ZNF608: variants seen among roughly 807,000 people sequenced by gnomAD.
ZNF608 encodes the protein zinc finger protein 608, also known as renal carcinoma antigen NY-REN-36.
ZNF608 carries 12 observed loss-of-function variants against 109.0 expected under a neutral mutation model. That is an observed-to-expected ratio of 0.11 (90% confidence interval 0.07 to 0.18). ZNF608 has a LOEUF of 0.18. Ranked by LOEUF, ZNF608 falls within the 10% of genes least tolerant of loss-of-function variation. ZNF608 has a pLI of 1.00. For missense variants in ZNF608, 1,707 were observed against 1,879.3 expected (o/e 0.91, Z 1.70); for synonymous variants, 732 against 717.4 (o/e 1.02, Z -0.33).
chr5:124,671,841 T>G (rs1344559499), intron 3 of ZNF608, among the ~76,000 whole-genome samples: 3 of 151,962 alleles, frequency 2.0e-5, no homozygotes, highest in Non-Finnish European at 4.4e-5. Flanking sequence ...TCTCCCTATG[T>G]TGCCCAGGCT....
rs1415262143 is a variant in ZNF608 at position 124,668,279 on chromosome 5, T to C, written c.1163-18582A>G. ...CGCAGGATGTAGTGGCTTGCACCTA[T>C]AGTTCCAGCTACTTACAAGGCTGAG... On this transcript the variant is annotated intron_variant, in intron 3 of 9. Transcript: ENST00000513986. 2.7e-5 allele frequency among the ~76,000 whole-genome samples: 4 copies of C among 148,734 alleles called. No individual in the cohort carries two copies. The East Asian group carries it at 7.8e-4, about 29-fold the overall frequency.
At chr5:124,704,105 T>C (rs1753163593) in intron 2 of ZNF608, among the ~76,000 whole-genome samples, 1 of 152,186 alleles carries the variant, frequency 6.6e-6, no homozygotes, top group Admixed American at 6.5e-5. Flanking sequence ...TGAGTCCAGT[T>C]CAACATGTTT....
intron 3 of ZNF608, among the ~76,000 whole-genome samples, chr5:124,652,794 T>C (rs1750849246): frequency 6.6e-6 from 1 of 152,230 alleles, no homozygotes. Flanking sequence ...AGACTACACT[T>C]ACTGAAGGCA....
chr5:124,645,721 G>A (rs1402656804), intron 5 of ZNF608, among the ~76,000 whole-genome samples: 1 of 152,104 alleles, frequency 6.6e-6, no homozygotes, highest in African/African-American at 2.4e-5. Flanking sequence ...CAAGCTGACT[G>A]ACCCATGGGG....
In ZNF608 at chr5:124,648,797, G is replaced by A. The variant is rs148340385; in HGVS notation, c.1587C>T (p.Ser529=). 6.8e-6 allele frequency: 11 copies of A among 1,614,202 alleles called. No homozygotes were observed. The Middle Eastern group carries it at 6.6e-4, about 97-fold the overall frequency. ...PGKRVRTNSR[S]TPTTPQGKPE... ...GTTTCCCTTGAGGGGTAGTGGGAGT[G>A]CTTCTGGAATTTGTGCGGACACGCT... is the stretch of plus-strand genomic sequence containing the variant. The change falls in exon 5 of 10, where the codon AGC becomes AGT. Residue 529 remains serine, a synonymous_variant. Transcript: ENST00000513986.
rs547690010 is a variant in ZNF608 at position 124,684,705 on chromosome 5, T to C, written c.1162+16309A>G. Among the ~76,000 whole-genome samples, 5 of 152,264 alleles carry C rather than the reference T, an allele frequency of 3.3e-5. No homozygotes were observed. The South Asian group carries it at 6.2e-4, about 19-fold the overall frequency. On this transcript the variant is annotated intron_variant, in intron 3 of 9. Transcript: ENST00000513986. ...TTCCCAACAGAAGCTCACCACTTAG[T>C]TTTCCTTTTCCTTTTAACTGGTCTC...
chr5:124,702,097 CA>C (rs1041054073), intron 2 of ZNF608, among the ~76,000 whole-genome samples: 1 of 152,114 alleles, frequency 6.6e-6, no homozygotes, highest in Non-Finnish European at 1.5e-5. Flanking sequence ...AGGAGAGCAG[CA>C]AAAGAGTTCT....
At chr5:124,666,955 G>A (rs1751504614) in intron 3 of ZNF608, among the ~76,000 whole-genome samples, 1 of 151,928 alleles carries the variant, frequency 6.6e-6, no homozygotes, top group African/African-American at 2.4e-5. Flanking sequence ...AAAACACATG[G>A]TCACAGTAAC....
At chr5:124,684,050 A>G (rs1752306559) in intron 3 of ZNF608, among the ~76,000 whole-genome samples, 1 of 152,262 alleles carries the variant, frequency 6.6e-6, no homozygotes, top group Non-Finnish European at 1.5e-5. Context: ...AAATGATGTG[A>G]GTAAACAGAG....
chr5:124,697,755 CAA>C (rs1333937939), intron 3 of ZNF608, among the ~76,000 whole-genome samples: 1 of 152,110 alleles, frequency 6.6e-6, no homozygotes, highest in Non-Finnish European at 1.5e-5. Context: ...ACACAAGAAA[CAA>C]TTAAGTATTG....
Position 124,744,353 on chromosome 5 carries a change from C to T in ZNF608, c.637G>A (p.Asp213Asn), listed in dbSNP as rs139867930. ...TGGCCCTGAAGCAGGTCGTGCTTGT[C>T]CTTCCTGGATTTCCCCGCATCCTTA... ...RDKDAGKSRK[D>N]KHDLLQGHQN... Residue 213 changes from aspartate to asparagine, a missense_variant, in exon 2 of 10, where the codon GAC becomes AAC. Transcript: ENST00000513986. The surrounding 1 kb of genome is among the most constrained non-coding windows in gnomAD (Gnocchi z 4.5). 162 of 1,614,262 alleles carry T rather than the reference C, an allele frequency of 1.0e-4. 1 individual carries two copies. The African/African-American group carries it at 2.0e-3, about 20-fold the overall frequency.
At chr5:124,715,599 T>TA (rs1209944679) in intron 2 of ZNF608, among the ~76,000 whole-genome samples, 1 of 152,172 alleles carries the variant, frequency 6.6e-6, no homozygotes, top group Non-Finnish European at 1.5e-5. Flanking sequence ...CTTCTAAAAT[T>TA]AAAAAATGCA....
At chr5:124,694,202 G>A (rs1305631436) in intron 3 of ZNF608, among the ~76,000 whole-genome samples, 1 of 126,358 alleles carries the variant, frequency 7.9e-6, no homozygotes, top group East Asian at 2.4e-4. Context: ...CACCGTGTTA[G>A]CCAGATGGTC....
At chr5:124,693,562 CCTATTGGTTCAT>C (rs547806305) in intron 3 of ZNF608, among the ~76,000 whole-genome samples, 59 of 152,224 alleles carry the variant, frequency 3.9e-4, no homozygotes, top group African/African-American at 1.3e-3. Context: ...GAGTTTTAAA[CCTATTGGTTCAT>C]TACTTAGCAC....
chr5:124,649,218 A>C (rs1415945749), intron 4 of ZNF608, 85 bp from the exon 5 acceptor site: 2 of 1,137,372 alleles, frequency 1.8e-6, no homozygotes, highest in Non-Finnish European at 2.4e-6. Context: ...AGTAAAGAGG[A>C]GTCAACACTC....
At position 124,637,705 on chromosome 5, in the gene ZNF608, G is replaced by GTA. The variant is rs879111897; in HGVS notation, c.*193_*194dup. On this transcript the variant is annotated 3_prime_UTR_variant, in exon 10 of 10. Transcript: ENST00000513986. The stretch of plus-strand genomic sequence containing the variant: ...TATGTATATATACAGATATGTATAC[G>GTA]TATATATATATAAAACAGAAGTTTA... 6.1e-5 allele frequency: 22 copies of GTA among 360,422 alleles called. No individual in the cohort carries two copies. Among genetic ancestry groups the GTA allele is most frequent in the Middle Eastern group, 1.0e-3 (2 of 1,984 alleles). The allele number at this position is 360,422 out of a possible 1,614,324, so 22.3% of individuals were successfully genotyped here.
rs183199684 is a variant in ZNF608, at chr5:124,739,063, C to T, written c.906+5021G>A. On this transcript the variant is annotated intron_variant, in intron 2 of 9. Transcript: ENST00000513986. ...GCAAGAATGCATTATGTGTTAATGA[C>T]CACAACCAGGGGTCCCTTTCTCGAC... Among the ~76,000 whole-genome samples the T allele has an allele frequency of 1.6e-4, 24 of 152,266 alleles. No homozygotes were observed. In the East Asian group the frequency reaches 4.4e-3, roughly 28 times the overall value.
At chr5:124,735,885 G>GAAT (rs1749119195) in intron 2 of ZNF608, among the ~76,000 whole-genome samples, 1 of 152,080 alleles carries the variant, frequency 6.6e-6, no homozygotes, top group African/African-American at 2.4e-5. Context: ...AAAAATTTGG[G>GAAT]AATACGAATC....
chr5:124,721,506 C>T (rs911769462), intron 2 of ZNF608, among the ~76,000 whole-genome samples: 5 of 151,966 alleles, frequency 3.3e-5, no homozygotes, highest in African/African-American at 9.7e-5. Flanking sequence ...TGTAGATAAA[C>T]GACATGTGTT....
Sources: gnomAD v4.1 joint callset for allele counts (sites outside exome capture counted in the v4.1 genomes callset) on GRCh38, gnomAD v4.1.1 for gene constraint, Gnocchi (gnomAD v3.1) non-coding constraint, MANE v1.5 for transcripts, NCBI Gene and HGNC (gene_info 2026-07-23, HGNC 2026-07-21) for gene names.